The following RBMX variants were observed in gnomAD, a reference collection of about 807,000 sequenced individuals.
RBMX encodes RNA binding motif protein X-linked.
Under a neutral mutation model 29.3 loss-of-function variants are expected in RBMX, and 1 was observed. The observed-to-expected ratio is 0.03, with a 90% confidence interval of 0.01 to 0.16. The LOEUF (loss-of-function observed/expected upper bound fraction) is 0.16, where lower values mean the gene tolerates loss of function less well. Among genes scored for constraint, RBMX ranks in the 10% least tolerant of loss-of-function variants. RBMX has a pLI of 1.00. For missense variants in RBMX, 121 were observed against 333.2 expected (o/e 0.36, Z 4.96); for synonymous variants, 102 against 102.3 (o/e 1.00, Z 0.02).
downstream of RBMX, chrX:136,869,417 A>C (rs1486340982): frequency 8.9e-6 from 1 of 112,069 alleles, no homozygotes; most frequent in South Asian, 3.7e-4. Context: ...TCATTTTAAC[A>C]TACTCCTTAT....
At position 136,875,463 on chromosome X, in the gene RBMX, T is replaced by G. The variant is rs770026751; in HGVS notation, c.656+8A>C. 2 of 1,208,009 alleles carry G rather than the reference T, an allele frequency of 1.7e-6. No individual in the cohort carries two copies. The highest frequency in any genetic ancestry group is 3.5e-5 in the African/African-American group (2 of 57,065). The stretch of plus-strand genomic sequence containing the variant: ...TTATTAATTTAAAAAGCTGCACTTT[T>G]CTATTACCTGTCTTTAGTAGAATAC... On this transcript the variant is annotated splice_region_variant and intron_variant, in intron 6 of 8. Coordinates refer to ENST00000320676, the MANE Select transcript of RBMX (RefSeq NM_002139.4).
downstream of RBMX, chrX:136,872,341 C>T: frequency 8.6e-7 from 1 of 1,164,624 alleles, no homozygotes; most frequent in Non-Finnish European, 1.1e-6. Context: ...AGCAAAATCA[C>T]CAACCTGCAA....
At chrX:136,874,920 CA>C in intron 8 of RBMX, 165 bp downstream of exon 8, 3 of 982,525 alleles carry the variant, frequency 3.1e-6, no homozygotes, top group Non-Finnish European at 1.3e-6. Context: ...CTTAGAAAAA[CA>C]AAAAAAGCCC....
At position 136,874,256 on chromosome X, in the gene RBMX, T is replaced by A; in HGVS notation, c.1062A>T (p.Glu354Asp). 8.2e-7 allele frequency: 1 copy of A among 1,212,847 alleles called. No individual in the cohort carries two copies. Among genetic ancestry groups the A allele is most frequent in the African/African-American group, 1.7e-5 (1 of 58,206 alleles). ...AATCACGTGGAGGAGGGTACCCCCT[T>A]TCCATAGAAGGGGGAAGCCCTCTTT... ...RQERGLPPSM[E>D]RGYPPPRDSY... The change falls in exon 9 of 9, where the codon GAA becomes GAT. Residue 354 changes from glutamate to aspartate, a missense_variant. Transcript: ENST00000320676.
At position 136,874,368 on chromosome X, in the gene RBMX, C is replaced by T. The variant is rs2077707712; in HGVS notation, c.950G>A (p.Arg317His). 2.5e-6 allele frequency: 3 copies of T among 1,212,873 alleles called. No individual in the cohort carries two copies. The highest frequency in any genetic ancestry group is 3.3e-6 in the Non-Finnish European group (3 of 895,672). The change falls in exon 9 of 9, where the codon CGT (arginine) becomes CAT (histidine). Residue 317 changes from arginine (R) to histidine (H), a missense_variant. Arg to His is a conservative substitution (Grantham distance 29). Around this residue, in one of 2 missense-constraint regions of RBMX, gnomAD observed 114 missense variants for 260.0 expected, o/e 0.44. Coordinates refer to ENST00000320676, the MANE Select transcript of RBMX (RefSeq NM_002139.4). ...GTCTCGACTTCCACCATATCCGTCACGTGAGCTGCTGTAATCATCATAGCG... is the reference window on the plus strand; with the variant it reads ...GTCTCGACTTCCACCATATCCGTCATGTGAGCTGCTGTAATCATCATAGCG... ...SSRYDDYSSS[R>H]DGYGGSRDSY...
At chrX:136,876,892 T>A (rs2077736476) in intron 4 of RBMX, among the ~76,000 whole-genome samples, 1 of 104,565 alleles carries the variant, frequency 9.6e-6, no homozygotes, top group East Asian at 3.1e-4. Flanking sequence ...TGGTTTTTTT[T>A]AAGTAGAGAC....
At chrX:136,880,529 G>A (rs2077788618) in intron 1 of RBMX, 68 bp downstream of exon 1, 2 of 112,243 alleles carry the variant, frequency 1.8e-5, no homozygotes, top group Admixed American at 1.9e-4. Context: ...TCTCCAGGGA[G>A]ATATAATCCC....
At chrX:136,876,123 T>C (rs1921306935) in intron 5 of RBMX, among the ~76,000 whole-genome samples, 2 of 101,156 alleles carry the variant, frequency 2.0e-5, no homozygotes, top group African/African-American at 7.8e-5. Flanking sequence ...TTTTTTTTTT[T>C]TGTTTTTTTT....
At chrX:136,872,380 C>T, downstream of RBMX, 2 of 1,131,959 alleles carry the variant, frequency 1.8e-6, no homozygotes, top group Non-Finnish European at 2.4e-6. Flanking sequence ...CTAGTTATCT[C>T]TCTTAAGGAA....
intron 1 of RBMX, among the ~76,000 whole-genome samples, 184 bp from the exon 2 acceptor site, chrX:136,879,637 C>G (rs7891017): frequency 0.14 from 15,968 of 111,618 alleles, 1,939 homozygotes; most frequent in African/African-American, 0.4. Flanking sequence ...TTTAGTAACA[C>G]TGCAATTTAC....
downstream of RBMX, among the ~76,000 whole-genome samples, chrX:136,871,063 G>A (rs1039455175): frequency 5.5e-5 from 6 of 108,187 alleles, no homozygotes; most frequent in Non-Finnish European, 9.5e-5. Context: ...GCAGTGAGCT[G>A]AGATCACACC....
chrX:136,879,465 G>C lies in RBMX; in HGVS notation c.-26-12C>G. On this transcript the variant is annotated splice_polypyrimidine_tract_variant and intron_variant, in intron 1 of 8. Transcript: ENST00000320676. ...TTGGGCCGGTGAGTCTGTTGAAAAGGAATAGTATTACCTCACTGCAAAAAG... is the reference window on the plus strand; with the variant it reads ...TTGGGCCGGTGAGTCTGTTGAAAAGCAATAGTATTACCTCACTGCAAAAAG... 8.7e-7 allele frequency: 1 copy of C among 1,144,153 alleles called. No homozygotes were observed. The highest frequency in any genetic ancestry group is 1.2e-6 in the Non-Finnish European group (1 of 840,048). The allele number at this position is 1,144,153 out of a possible 1,213,427, so 94.3% of individuals were successfully genotyped here. A position where few individuals can be genotyped will look rare whatever the true frequency, so the allele number is the denominator to read the frequency against.
downstream of RBMX, among the ~76,000 whole-genome samples, chrX:136,871,571 T>C (rs1313276900): frequency 9.0e-6 from 1 of 111,724 alleles, no homozygotes; most frequent in Non-Finnish European, 1.9e-5. Context: ...TTTAGTCAAT[T>C]TGTATTGTAG....
chrX:136,879,947 C>G (rs1441126059), intron 1 of RBMX, among the ~76,000 whole-genome samples: 1 of 111,567 alleles, frequency 9.0e-6, no homozygotes, highest in African/African-American at 3.3e-5. Flanking sequence ...GTTATGCCGC[C>G]CCTCTTCTTC....
intron 3 of RBMX, among the ~76,000 whole-genome samples, 192 bp from the exon 4 acceptor site, chrX:136,878,278 A>G (rs906578280): frequency 9.0e-6 from 1 of 111,231 alleles, no homozygotes; most frequent in Non-Finnish European, 1.9e-5. Flanking sequence ...CTTAATACTT[A>G]AAACCGATAC....
At chrX:136,877,327 T>TCCCC (rs1214325421) in intron 4 of RBMX, among the ~76,000 whole-genome samples, 5 of 29,856 alleles carry the variant, frequency 1.7e-4, no homozygotes, top group African/African-American at 2.8e-4. Flanking sequence ...TGCTAAACTC[T>TCCCC]ACCCCCCCCC....
chrX:136,874,577 ACT>A, intron 8 of RBMX, 125 bp from the exon 9 acceptor site: 6 of 829,506 alleles, frequency 7.2e-6, no homozygotes, highest in Non-Finnish European at 1.0e-5. Context: ...GAGGTTTTAA[ACT>A]CTGCCATTGC....
chrX:136,869,643 T>C (rs1284264778), downstream of RBMX: 1 of 111,217 alleles, frequency 9.0e-6, no homozygotes, highest in Non-Finnish European at 1.9e-5. Flanking sequence ...TAGTAGGTTG[T>C]CAAATGAGAG....
chrX:136,872,356 TAAATA>T (rs2077690562), downstream of RBMX: 1 of 1,157,299 alleles, frequency 8.6e-7, no homozygotes, highest in African/African-American at 1.8e-5. Flanking sequence ...CTGCAAAAGT[TAAATA>T]AATGAAAACT....
Sources: gnomAD v4.1 joint callset for allele counts (sites outside exome capture counted in the v4.1 genomes callset) on GRCh38, gnomAD v4.1.1 for gene constraint, gnomAD v4.1.1 regional missense constraint, MANE v1.5 for transcripts, NCBI Gene and HGNC (gene_info 2026-07-23, HGNC 2026-07-21) for gene names.